The following ZFYVE9 variants were observed in gnomAD, a reference collection of about 807,000 sequenced individuals.
The protein encoded by ZFYVE9 is zinc finger FYVE-type containing 9, also known as zinc finger FYVE domain-containing protein 9.
Under a neutral mutation model 126.7 loss-of-function variants are expected in ZFYVE9, and 43 were observed. The observed-to-expected ratio is 0.34, with a 90% CI of 0.27 to 0.44. ZFYVE9 has a LOEUF of 0.44. Among genes scored for constraint, ZFYVE9 ranks in the 20% least tolerant of loss-of-function variants. The pLI is 1.00. For synonymous variants in ZFYVE9, 521 were observed against 597.4 expected (o/e 0.87, Z 1.87); for missense variants, 1,476 against 1,697.0 (o/e 0.87, Z 2.29).
intron 13 of ZFYVE9, among the ~76,000 whole-genome samples, chr1:52,323,920 G>A (rs144208701): frequency 5.4e-4 from 81 of 149,048 alleles, no homozygotes; most frequent in East Asian, 5.3e-3. Flanking sequence ...AAAGCCAGGC[G>A]TGATGGCGCA....
intron 5 of ZFYVE9, among the ~76,000 whole-genome samples, chr1:52,265,543 G>A (rs1645625626): frequency 1.3e-5 from 2 of 152,184 alleles, no homozygotes; most frequent in Admixed American, 1.3e-4. Context: ...AAAGGCGATA[G>A]GTGATGTGTC....
intron 12 of ZFYVE9, among the ~76,000 whole-genome samples, chr1:52,302,697 G>A (rs1646046568): frequency 6.6e-6 from 1 of 151,854 alleles, no homozygotes; most frequent in East Asian, 1.9e-4. Context: ...GATTCAGTGA[G>A]CCAAGATTGC....
At chr1:52,189,693 T>A (rs550812580) in intron 1 of ZFYVE9, among the ~76,000 whole-genome samples, 204 of 151,684 alleles carry the variant, frequency 1.3e-3, no homozygotes, top group African/African-American at 4.6e-3. Flanking sequence ...TTTTTTTTTT[T>A]AAACTTGTGC....
chr1:52,164,624 A>G (rs7512531), intron 1 of ZFYVE9, among the ~76,000 whole-genome samples: 115,092 of 152,078 alleles, frequency 0.76, 46,993 homozygotes, highest in Non-Finnish European at 0.9. Context: ...GACAATGAGT[A>G]TATATCTTTG....
At chr1:52,342,721 A>ACAGGG (rs1424241177) in intron 17 of ZFYVE9, among the ~76,000 whole-genome samples, 2 of 151,750 alleles carry the variant, frequency 1.3e-5, no homozygotes, top group Admixed American at 1.3e-4. Context: ...TTTTTAGTAG[A>ACAGGG]CAGGGTTTCA....
chr1:52,254,210 C>T (rs146474428), intron 4 of ZFYVE9: 118 of 477,064 alleles, frequency 2.5e-4, no homozygotes, highest in East Asian at 1.8e-3. Context: ...AGTCATTAAA[C>T]GTATCTTTGT....
intron 1 of ZFYVE9, chr1:52,162,299 C>A: frequency 2.6e-6 from 1 of 391,200 alleles, no homozygotes; most frequent in South Asian, 2.5e-5. Context: ...GTCATATCCA[C>A]GATGATATCC....
chr1:52,235,386 C>T (rs149903553), intron 3 of ZFYVE9, among the ~76,000 whole-genome samples: 3 of 152,228 alleles, frequency 2.0e-5, no homozygotes, highest in African/African-American at 7.2e-5. Flanking sequence ...AATTTTAATA[C>T]CCGATCATTT....
intron 11 of ZFYVE9, among the ~76,000 whole-genome samples, chr1:52,294,048 A>G (rs942980448): frequency 3.3e-5 from 5 of 152,236 alleles, no homozygotes; most frequent in Non-Finnish European, 7.3e-5. Flanking sequence ...AACATACTGG[A>G]AGCTAGTGGA....
chr1:52,288,268 G>A (rs141395491), intron 10 of ZFYVE9, among the ~76,000 whole-genome samples: 6 of 152,230 alleles, frequency 3.9e-5, no homozygotes, highest in African/African-American at 1.2e-4. Context: ...CTCATGTTTC[G>A]AACCATAAGA....
intron 1 of ZFYVE9, among the ~76,000 whole-genome samples, chr1:52,144,212 G>A (rs768216847): frequency 1.3e-5 from 2 of 152,052 alleles, no homozygotes; most frequent in Non-Finnish European, 2.9e-5. Flanking sequence ...CCAGCTACTC[G>A]GGAGGCTGAG....
At chr1:52,160,648 T>C (rs1644449232) in intron 1 of ZFYVE9, 1 of 624,854 alleles carries the variant, frequency 1.6e-6, no homozygotes, top group Non-Finnish European at 2.9e-6. Context: ...TCTCCTGACC[T>C]CGTGATCCGC....
chr1:52,263,763 C>CGA lies in ZFYVE9; in HGVS notation c.2179-10_2179-9insGA. On this transcript the variant is annotated splice_polypyrimidine_tract_variant and intron_variant, in intron 4 of 18. Transcript: ENST00000287727. ...AATTTTGTGTGTTCTTCCCCCCCCC[C>CGA]CCCCCACAGGTTTTCTGTGCTTCCT... is the stretch of plus-strand genomic sequence containing the variant. 2.0e-6 allele frequency: 2 copies of CGA among 995,190 alleles called. No homozygotes were observed. The highest frequency in any genetic ancestry group is 5.2e-5 in the East Asian group (2 of 38,482). The allele number at this position is 995,190 out of a possible 1,614,324, so 61.6% of individuals were successfully genotyped here.
chr1:52,318,517 T>C (rs1284138941), intron 13 of ZFYVE9, among the ~76,000 whole-genome samples: 4 of 151,918 alleles, frequency 2.6e-5, no homozygotes, highest in Non-Finnish European at 4.4e-5. Flanking sequence ...CCCTTTAAGA[T>C]TGGAAACAAG....
chr1:52,295,524 A>T lies in ZFYVE9; in HGVS notation c.3251-371A>T, dbSNP rs182514192. Among the ~76,000 whole-genome samples the T allele has an allele frequency of 2.3e-3, 354 of 151,750 alleles. 8 individuals carry two copies. Among genetic ancestry groups the T allele is most frequent in the African/African-American group, 8.4e-3 (347 of 41,366 alleles). On this transcript the variant is annotated intron_variant, in intron 11 of 18. Transcript: ENST00000287727. ...AGGTGCATGCTACCACACCCAGCTA[A>T]TTTTTTTGTTTGTTTTTTTGTAGAG...
In ZFYVE9 at chr1:52,216,360, T is replaced by A; in HGVS notation, c.-142-9T>A. 1 of 398,502 alleles carries A rather than the reference T, an allele frequency of 2.5e-6. No individual in the cohort carries two copies. Among genetic ancestry groups the A allele is most frequent in the Non-Finnish European group, 4.4e-6 (1 of 225,946 alleles). The allele number at this position is 398,502 out of a possible 1,614,324, so 24.7% of individuals were successfully genotyped here. A position where few individuals can be genotyped will look rare whatever the true frequency, so the allele number is the denominator to read the frequency against. ...AGCAAGTGTAATGAGCAATGTGTTT[T>A]TCCTTTAGGATCAAACAGAGCATAC... is the stretch of plus-strand genomic sequence containing the variant. On this transcript the variant is annotated splice_polypyrimidine_tract_variant and intron_variant, in intron 1 of 18. Transcript: ENST00000287727.
chr1:52,154,649 T>C (rs967642749), intron 1 of ZFYVE9, among the ~76,000 whole-genome samples: 3 of 152,170 alleles, frequency 2.0e-5, no homozygotes, highest in African/African-American at 7.2e-5. Context: ...TTTGTCCTTC[T>C]CCTTAAAGGC....
chr1:52,278,654 A>G (rs990466352), intron 9 of ZFYVE9, 40 bp downstream of exon 9: 1 of 1,355,648 alleles, frequency 7.4e-7, no homozygotes, highest in Non-Finnish European at 1.0e-6. Flanking sequence ...CAGATGTTTT[A>G]CTGACTCATA....
At chr1:52,157,485 C>T (rs1448799356) in intron 1 of ZFYVE9, among the ~76,000 whole-genome samples, 1 of 146,268 alleles carries the variant, frequency 6.8e-6, no homozygotes, top group African/African-American at 2.5e-5. Flanking sequence ...ACTGCAACCT[C>T]CACCTCCCCG....
Sources: gnomAD v4.1 joint callset for allele counts (sites outside exome capture counted in the v4.1 genomes callset) on GRCh38, gnomAD v4.1.1 for gene constraint, MANE v1.5 for transcripts, NCBI Gene and HGNC (gene_info 2026-07-23, HGNC 2026-07-21) for gene names.